The following KLHL13 variants were observed in gnomAD, a reference collection of about 807,000 sequenced individuals.
KLHL13 encodes the protein kelch-like protein 13.
Under a neutral mutation model 37.1 loss-of-function variants are expected in KLHL13, and 10 were observed. The ratio of observed to expected loss-of-function variants is 0.27; its 90% CI spans 0.17 to 0.46. The LOEUF is 0.46. Ranked by LOEUF, KLHL13 falls within the 20% of genes least tolerant of loss-of-function variation. The pLI is 1.00. For missense variants in KLHL13, 360 were observed against 509.3 expected (o/e 0.71, Z 2.82); for synonymous variants, 163 against 181.2 (o/e 0.90, Z 0.81).
chrX:117,922,193 T>C (rs1426951426), intron 2 of KLHL13, among the ~76,000 whole-genome samples: 2 of 111,680 alleles, frequency 1.8e-5, no homozygotes, highest in Non-Finnish European at 3.8e-5. Flanking sequence ...TCTTTTTTTG[T>C]TTTGTTTTTT....
chrX:118,110,377 CTTTTTTTTTT>C, intron 1 of KLHL13, among the ~76,000 whole-genome samples: 1 of 82,530 alleles, frequency 1.2e-5, no homozygotes, highest in South Asian at 5.3e-4. Context: ...ATTTCTTTTT[CTTTTTTTTTT>C]TTTTTTTTTT....
upstream of KLHL13, among the ~76,000 whole-genome samples, chrX:117,976,862 A>G (rs111976041): frequency 4.4e-5 from 5 of 112,382 alleles, no homozygotes; most frequent in African/African-American, 1.6e-4. Flanking sequence ...AAAAAGAGCC[A>G]ACTCTTAGAA....
At chrX:118,100,166 T>C (rs2055272252) in intron 1 of KLHL13, among the ~76,000 whole-genome samples, 1 of 111,647 alleles carries the variant, frequency 9.0e-6, no homozygotes, top group Admixed American at 9.6e-5. Flanking sequence ...CAGTATAACA[T>C]TTTCACTTTC....
In KLHL13 at chrX:117,906,828, T is replaced by C. The variant is rs143953305; in HGVS notation, c.1366+2473A>G. On this transcript the variant is annotated intron_variant, in intron 5 of 6. Coordinates refer to ENST00000262820, the Ensembl canonical transcript of KLHL13. ...AATCTATAGATCATTTCAAATGGAA[T>C]AAAATATCAAATAATTGGATGATAA... Among the ~76,000 whole-genome samples the C allele has an allele frequency of 2.7e-3, 305 of 111,412 alleles. 3 individuals are homozygous for C. Among genetic ancestry groups the C allele is most frequent in the African/African-American group, 9.6e-3 (296 of 30,750 alleles).
chrX:118,070,366 G>A (rs1302445059), intron 1 of KLHL13, among the ~76,000 whole-genome samples: 1 of 112,188 alleles, frequency 8.9e-6, no homozygotes, highest in Non-Finnish European at 1.9e-5. Flanking sequence ...TTCACCCCAT[G>A]TGTTGTTTAA....
chrX:118,083,419 T>C (rs2055018703), intron 1 of KLHL13, among the ~76,000 whole-genome samples: 1 of 111,729 alleles, frequency 9.0e-6, no homozygotes, highest in Non-Finnish European at 1.9e-5. Flanking sequence ...ATGCAACCTG[T>C]CATTTGTGAC....
chrX:117,986,935 A>G (rs1427886046), intron 1 of KLHL13, among the ~76,000 whole-genome samples: 1 of 111,706 alleles, frequency 9.0e-6, no homozygotes, highest in African/African-American at 3.3e-5. Flanking sequence ...GCCTCAGAGT[A>G]AGTAAGCAGG....
chrX:117,909,258 G>A (rs1602534661), intron 5 of KLHL13, 43 bp downstream of exon 6: 2 of 1,023,634 alleles, frequency 2.0e-6, no homozygotes, highest in Non-Finnish European at 1.3e-6. Context: ...AAGAATTTCT[G>A]AGTGAAGAAA....
chrX:117,952,218 G>A (rs1291302021), intron 1 of KLHL13, among the ~76,000 whole-genome samples: 1 of 111,258 alleles, frequency 9.0e-6, no homozygotes, highest in Non-Finnish European at 1.9e-5. Flanking sequence ...ATAGATCAAT[G>A]GAACAGAACA....
chrX:118,096,914 T>G (rs1356207535), intron 1 of KLHL13, among the ~76,000 whole-genome samples: 1 of 111,401 alleles, frequency 9.0e-6, no homozygotes, highest in Non-Finnish European at 1.9e-5. Context: ...AATTAGGTAT[T>G]GATGGGACGT....
rs139439124 is a variant in KLHL13 at position 118,070,375 on chromosome X, A to C, written c.-56+46133T>G. Among the ~76,000 whole-genome samples, 39 of 112,454 alleles carry C rather than the reference A, an allele frequency of 3.5e-4. No homozygotes were observed. The East Asian group carries it at 0.01, about 30-fold the overall frequency. ...ATTTCTTTCACCCCATGTGTTGTTT[A>C]AAAATGTTTTTCAATATCCATACAT... On this transcript the variant is annotated intron_variant, in intron 1 of 6. Coordinates refer to the KLHL13 transcript ENST00000371882.
intron 1 of KLHL13, among the ~76,000 whole-genome samples, chrX:118,014,957 G>A (rs5955999): frequency 0.054 from 6,025 of 112,082 alleles, 400 homozygotes; most frequent in African/African-American, 0.18. Context: ...ATGATATATA[G>A]TATAATAAAA....
At chrX:118,040,907 C>T (rs2054500422) in intron 1 of KLHL13, among the ~76,000 whole-genome samples, 1 of 111,983 alleles carries the variant, frequency 8.9e-6, no homozygotes, top group Non-Finnish European at 1.9e-5. Flanking sequence ...AGTGACATGA[C>T]ATATTTAAAG....
chrX:118,106,119 G>A (rs778349439), intron 1 of KLHL13, among the ~76,000 whole-genome samples: 20 of 101,404 alleles, frequency 2.0e-4, no homozygotes, highest in Non-Finnish European at 3.8e-4. Context: ...CCATGGTCTC[G>A]ATCTCCTGAC....
At chrX:117,998,810 A>G (rs185316049) in intron 1 of KLHL13, among the ~76,000 whole-genome samples, 99 of 111,431 alleles carry the variant, frequency 8.9e-4, no homozygotes, top group Admixed American at 4.7e-3. Context: ...AAGATGCTCA[A>G]AAAACAGCCT....
At chrX:118,054,388 G>A (rs780992205) in intron 1 of KLHL13, among the ~76,000 whole-genome samples, 85 of 110,924 alleles carry the variant, frequency 7.7e-4, no homozygotes, top group Non-Finnish European at 1.2e-3. Context: ...TTGAAATCTA[G>A]ATGCAAGCAG....
At chrX:117,906,891 G>A (rs928965928) in intron 5 of KLHL13, among the ~76,000 whole-genome samples, 1 of 111,068 alleles carries the variant, frequency 9.0e-6, no homozygotes, top group Non-Finnish European at 1.9e-5. Context: ...GTTTGTGCCT[G>A]TATTATAATG....
rs1210095088 is a variant in KLHL13, at chrX:118,070,743, T to A, written c.-56+45765A>T. Among the ~76,000 whole-genome samples, 3 of 99,734 alleles carry A rather than the reference T, an allele frequency of 3.0e-5. No individual in the cohort carries two copies. The South Asian group carries it at 1.2e-3, about 39-fold the overall frequency. The allele number at this position is 99,734 out of a possible 115,157, so 86.6% of individuals were successfully genotyped here. Reference sequence around the variant, plus strand: ...CATTTTCTTTTTTTTAATTTTTAAATATTTTTATTTATTTATTTATTTATT... The same window carrying A: ...CATTTTCTTTTTTTTAATTTTTAAAAATTTTTATTTATTTATTTATTTATT... On this transcript the variant is annotated intron_variant, in intron 1 of 6. Coordinates refer to the KLHL13 transcript ENST00000371882.
At chrX:118,095,099 T>C (rs1244365195) in intron 1 of KLHL13, among the ~76,000 whole-genome samples, 9 of 111,351 alleles carry the variant, frequency 8.1e-5, no homozygotes, top group Non-Finnish European at 1.3e-4. Context: ...GACTGGCAAA[T>C]TGGATAAAGA....
Sources: allele counts gnomAD v4.1 joint callset (sites outside exome capture counted in the v4.1 genomes callset), GRCh38; gene constraint gnomAD v4.1.1; transcripts MANE v1.5; gene names NCBI Gene and HGNC (gene_info 2026-07-23, HGNC 2026-07-21).